The following STXBP5L variants were observed in gnomAD, a reference collection of about 807,000 sequenced individuals.
The protein encoded by STXBP5L is syntaxin binding protein 5L.
Under a neutral mutation model 144.5 loss-of-function variants are expected in STXBP5L, and 65 were observed. The observed-to-expected ratio is 0.45, with a 90% CI of 0.37 to 0.55. STXBP5L has a LOEUF of 0.55. STXBP5L is among the 20% of genes least tolerant of loss of function. The probability of loss-of-function intolerance (pLI) is 0.00; values close to 1 mark genes in which losing one functional copy is unlikely to be tolerated. For missense variants in STXBP5L, 1,298 were observed against 1,405.5 expected (o/e 0.92, Z 1.22); for synonymous variants, 505 against 469.6 (o/e 1.08, Z -0.97).
At chr3:121,417,279 A>G (rs1005107095) in intron 25 of STXBP5L, among the ~76,000 whole-genome samples, 1 of 152,176 alleles carries the variant, frequency 6.6e-6, no homozygotes, top group Non-Finnish European at 1.5e-5. Context: ...ATACACTAAA[A>G]ACAAGTGAAT....
rs368493997 is a variant in STXBP5L, at chr3:121,157,601, G to A, written c.851G>A (p.Arg284His). The change falls in exon 9 of 27, where the codon CGC becomes CAC. Residue 284 changes from arginine (R) to histidine (H), a missense_variant. Arg to His is a conservative substitution (Grantham distance 29, BLOSUM62 0). Coordinates refer to ENST00000471454, the MANE Select transcript of STXBP5L (RefSeq NM_001308330.2). ...LTLWNLKSPS[R>H]PFQTTIPHGK... The stretch of plus-strand genomic sequence containing the variant: ...TTATGGAACCTGAAAAGCCCAAGTC[G>A]CCCTTTCCAGACCACAATTCCACAT... 2.1e-5 allele frequency: 33 copies of A among 1,602,166 alleles called. No homozygotes were observed. The highest frequency in any genetic ancestry group is 3.5e-5 in the Admixed American group (2 of 57,898).
intron 19 of STXBP5L, among the ~76,000 whole-genome samples, chr3:121,290,382 A>G (rs2051388403): frequency 6.6e-6 from 1 of 152,180 alleles, no homozygotes; most frequent in Non-Finnish European, 1.5e-5. Flanking sequence ...CCAACCAATA[A>G]CAAGCAGTGA....
At chr3:121,037,028 G>T (rs1172596651) in intron 3 of STXBP5L, among the ~76,000 whole-genome samples, 8 of 151,920 alleles carry the variant, frequency 5.3e-5, no homozygotes, top group Admixed American at 5.3e-4. Flanking sequence ...CTGGGCTCAG[G>T]CAATCCTCCC....
intron 4 of STXBP5L, among the ~76,000 whole-genome samples, chr3:121,042,819 A>G (rs1004894000): frequency 6.6e-6 from 1 of 152,014 alleles, no homozygotes; most frequent in Non-Finnish European, 1.5e-5. Context: ...CCATGTAGGC[A>G]CACTTGCTAT....
At chr3:120,982,714 A>G (rs371609479) in intron 3 of STXBP5L, among the ~76,000 whole-genome samples, 1 of 152,254 alleles carries the variant, frequency 6.6e-6, no homozygotes, top group African/African-American at 2.4e-5. Flanking sequence ...ACTTTTTGGC[A>G]TGTGCAAGTG....
rs140853272 is a variant in STXBP5L at position 121,005,537 on chromosome 3, G to A, written c.288-36163G>A. On this transcript the variant is annotated intron_variant, in intron 3 of 26. Transcript: ENST00000471454. Reference sequence around the variant, plus strand: ...TCATTGATGTTTTGAAGGGTTTTTTGTGTCTCTATTTCCTTCAGTTCTGCT... The same window carrying A: ...TCATTGATGTTTTGAAGGGTTTTTTATGTCTCTATTTCCTTCAGTTCTGCT... Among the ~76,000 whole-genome samples, 1,409 of 152,112 alleles carry A rather than the reference G, an allele frequency of 9.3e-3. 24 individuals carry two copies. Among genetic ancestry groups the A allele is most frequent in the African/African-American group, 0.031 (1,304 of 41,496 alleles).
At chr3:121,242,236 A>G (rs1439311305) in intron 14 of STXBP5L, among the ~76,000 whole-genome samples, 2 of 152,202 alleles carry the variant, frequency 1.3e-5, no homozygotes, top group Non-Finnish European at 2.9e-5. Flanking sequence ...GGATAAATAC[A>G]ATAGGCTTTC....
At chr3:121,096,607 G>C (rs1216229507) in intron 5 of STXBP5L, among the ~76,000 whole-genome samples, 1 of 152,068 alleles carries the variant, frequency 6.6e-6, no homozygotes, top group South Asian at 2.1e-4. Context: ...TCTGCTGCAG[G>C]TTGGCTGGAG....
At chr3:121,346,115 C>T (rs1028012071) in intron 20 of STXBP5L, among the ~76,000 whole-genome samples, 1 of 149,176 alleles carries the variant, frequency 6.7e-6, no homozygotes, top group Non-Finnish European at 1.5e-5. Context: ...TCCCCCGACC[C>T]CACAACAGGC....
At chr3:121,118,289 G>A (rs947895910) in intron 6 of STXBP5L, among the ~76,000 whole-genome samples, 1 of 151,704 alleles carries the variant, frequency 6.6e-6, no homozygotes, top group Non-Finnish European at 1.5e-5. Context: ...TCTCAAAGTG[G>A]TATCTGTGAA....
At chr3:121,188,365 A>G (rs1371282422) in intron 9 of STXBP5L, among the ~76,000 whole-genome samples, 6 of 152,130 alleles carry the variant, frequency 3.9e-5, no homozygotes, top group African/African-American at 1.4e-4. Context: ...TCAAATTAGA[A>G]CTCAGAATTA....
intron 2 of STXBP5L, among the ~76,000 whole-genome samples, chr3:120,914,444 A>G (rs1576409829): frequency 6.6e-6 from 1 of 152,076 alleles, no homozygotes; most frequent in East Asian, 1.9e-4. Flanking sequence ...CTCATATCTG[A>G]CATAATATCA....
rs571001971 is a variant in STXBP5L, at chr3:121,339,129, C to A, written c.2176+20589C>A. Among the ~76,000 whole-genome samples the A allele has an allele frequency of 7.2e-5, 11 of 152,008 alleles. No homozygotes were observed. The South Asian group carries it at 1.9e-3, about 26-fold the overall frequency. ...CAAAAAACAAAAAAACACAAAATGACAGACCAATATTCCTGATTAACATAG... is the reference window on the plus strand; with the variant it reads ...CAAAAAACAAAAAAACACAAAATGAAAGACCAATATTCCTGATTAACATAG... On this transcript the variant is annotated intron_variant, in intron 20 of 26. Transcript: ENST00000471454.
chr3:121,033,732 T>G (rs1009476239), intron 3 of STXBP5L, among the ~76,000 whole-genome samples: 3 of 151,932 alleles, frequency 2.0e-5, no homozygotes, highest in Admixed American at 6.6e-5. Context: ...AAGTAAGAAC[T>G]TTTTTTAATA....
At position 121,326,856 on chromosome 3, in the gene STXBP5L, G is replaced by A. The variant is rs141176448; in HGVS notation, c.2176+8316G>A. On this transcript the variant is annotated intron_variant, in intron 20 of 26. Coordinates refer to ENST00000471454, the MANE Select transcript of STXBP5L (RefSeq NM_001308330.2). ...GACCATTCTGGACTTCCAAATATTCGTTGTAGCTTAGCCATAACAAAGTAG... is the reference window on the plus strand; with the variant it reads ...GACCATTCTGGACTTCCAAATATTCATTGTAGCTTAGCCATAACAAAGTAG... 1.6e-3 allele frequency among the ~76,000 whole-genome samples: 238 copies of A among 152,196 alleles called. 1 individual carries two copies. The highest frequency in any genetic ancestry group is 6.8e-3 in the Middle Eastern group (2 of 294).
intron 5 of STXBP5L, among the ~76,000 whole-genome samples, chr3:121,085,535 GACAA>G (rs1304890244): frequency 1.3e-5 from 2 of 152,072 alleles, no homozygotes; most frequent in African/African-American, 2.4e-5. Flanking sequence ...ACCAACAATA[GACAA>G]ACAGAGAGCC....
intron 3 of STXBP5L, among the ~76,000 whole-genome samples, chr3:121,041,060 CT>C (rs139992204): frequency 0.13 from 19,743 of 148,070 alleles, 1,610 homozygotes; most frequent in Non-Finnish European, 0.19. Context: ...TTTTCTCATT[CT>C]TTTTTTTTTA....
At chr3:120,987,496 T>C (rs1342018254) in intron 3 of STXBP5L, among the ~76,000 whole-genome samples, 2 of 151,864 alleles carry the variant, frequency 1.3e-5, no homozygotes, top group Non-Finnish European at 3.0e-5. Flanking sequence ...TTCAAGAGTT[T>C]TTATATATTC....
chr3:121,183,413 G>T (rs2047237080), intron 9 of STXBP5L, among the ~76,000 whole-genome samples: 1 of 152,104 alleles, frequency 6.6e-6, no homozygotes, highest in Admixed American at 6.6e-5. Flanking sequence ...AATCCAGAAA[G>T]TTCCTAGATT....
Sources: allele counts gnomAD v4.1 joint callset (sites outside exome capture counted in the v4.1 genomes callset), GRCh38; gene constraint gnomAD v4.1.1; transcripts MANE v1.5; gene names NCBI Gene and HGNC (gene_info 2026-07-23, HGNC 2026-07-21).